Variants in NREP observed in about 807,000 individuals in gnomAD.
NREP encodes the protein neuronal regeneration-related protein.
In NREP, 5 loss-of-function variants were observed where a neutral mutation model predicts 8.6. The observed-to-expected ratio is 0.58, with a 90% CI of 0.30 to 1.22. NREP has a LOEUF of 1.22. Ranked by LOEUF, NREP falls within the 50% of genes most tolerant of loss-of-function variation. NREP has a pLI of 0.07. For synonymous variants in NREP, 27 were observed against 28.0 expected (o/e 0.96, Z 0.11); for missense variants, 86 against 82.5 (o/e 1.04, Z -0.17).
At chr5:111,922,136 T>C (rs56198712) in intron 2 of NREP, among the ~76,000 whole-genome samples, 2,161 of 152,270 alleles carry the variant, frequency 0.014, 24 homozygotes, top group South Asian at 0.037. Flanking sequence ...GGGTATTTCT[T>C]ATCCATAGTA....
intron 2 of NREP, among the ~76,000 whole-genome samples, chr5:111,786,130 T>C (rs1024657816): frequency 8.5e-5 from 13 of 152,210 alleles, no homozygotes; most frequent in Non-Finnish European, 1.8e-4. Flanking sequence ...AAGTAGCTCA[T>C]TCAATTTTTA....
chr5:111,896,607 G>A (rs1283169996), intron 2 of NREP, among the ~76,000 whole-genome samples: 1 of 152,156 alleles, frequency 6.6e-6, no homozygotes, highest in Non-Finnish European at 1.5e-5. Context: ...CGGAGTATCT[G>A]TGCATTTTCC....
intron 2 of NREP, among the ~76,000 whole-genome samples, chr5:111,887,397 T>C (rs1754287937): frequency 6.6e-6 from 1 of 152,190 alleles, no homozygotes; most frequent in Non-Finnish European, 1.5e-5. Context: ...AGGTTAACCA[T>C]ATGCAGAATT....
upstream of NREP, chr5:111,757,530 C>T: frequency 1.0e-6 from 1 of 985,026 alleles, no homozygotes; most frequent in Non-Finnish European, 1.2e-6. Context: ...CTTGCTGCCA[C>T]TGTGCAGCCG....
chr5:111,952,471 G>T (rs1581246540), intron 2 of NREP, among the ~76,000 whole-genome samples: 2 of 152,066 alleles, frequency 1.3e-5, no homozygotes, highest in East Asian at 3.9e-4. Context: ...ACCAGTCGAG[G>T]TTATTATTAT....
At chr5:111,775,399 A>G (rs1751332978) in intron 2 of NREP, among the ~76,000 whole-genome samples, 1 of 152,184 alleles carries the variant, frequency 6.6e-6, no homozygotes, top group Non-Finnish European at 1.5e-5. Flanking sequence ...TGATTACCAC[A>G]TATAAATACT....
intron 2 of NREP, among the ~76,000 whole-genome samples, chr5:111,938,002 G>A (rs951935191): frequency 6.6e-6 from 1 of 152,000 alleles, no homozygotes; most frequent in Admixed American, 6.6e-5. Context: ...TCTTGCTCTT[G>A]TAATCTAACC....
chr5:111,730,806 A>C lies in NREP; in HGVS notation c.*115T>G. 1 of 1,189,534 alleles carries C rather than the reference A, an allele frequency of 8.4e-7. No individual in the cohort carries two copies. The allele number at this position is 1,189,534 out of a possible 1,614,324, so 73.7% of individuals were successfully genotyped here. On this transcript the variant is annotated 3_prime_UTR_variant, in exon 4 of 4. Transcript: ENST00000257435. ...GTAAATTCTCTAAAGCAAGGCTCAG[A>C]GTCCCATAGTTTCTTCTTATACTTG...
At chr5:111,840,084 T>C (rs1312254733) in intron 2 of NREP, among the ~76,000 whole-genome samples, 1 of 152,106 alleles carries the variant, frequency 6.6e-6, no homozygotes, top group African/African-American at 2.4e-5. Flanking sequence ...TGACATAAGT[T>C]ATTTAGCGAT....
chr5:111,780,333 A>G (rs1352293516), intron 2 of NREP, among the ~76,000 whole-genome samples: 2 of 152,192 alleles, frequency 1.3e-5, no homozygotes, highest in Admixed American at 6.5e-5. Context: ...ATTATTTTGC[A>G]TAAGAAAATG....
chr5:111,747,344 G>C (rs1462011648), intron 2 of NREP, among the ~76,000 whole-genome samples: 1 of 152,084 alleles, frequency 6.6e-6, no homozygotes, highest in African/African-American at 2.4e-5. Flanking sequence ...AGGATGCCTG[G>C]ACCCGTTTTA....
At chr5:111,779,583 G>T (rs1444802978) in intron 2 of NREP, among the ~76,000 whole-genome samples, 1 of 152,164 alleles carries the variant, frequency 6.6e-6, no homozygotes, top group Admixed American at 6.5e-5. Flanking sequence ...TCCAAGAAAG[G>T]GGGTAAGGGC....
chr5:111,813,186 G>T (rs542271348), intron 2 of NREP, among the ~76,000 whole-genome samples: 1 of 152,202 alleles, frequency 6.6e-6, no homozygotes, highest in African/African-American at 2.4e-5. Flanking sequence ...CTTCCCCAAA[G>T]TTATTTAGCT....
intron 2 of NREP, among the ~76,000 whole-genome samples, chr5:111,951,736 C>A (rs1451573642): frequency 2.0e-5 from 3 of 152,060 alleles, no homozygotes; most frequent in Non-Finnish European, 2.9e-5. Flanking sequence ...TCTCCTTGTT[C>A]CTCATGCTCA....
intron 2 of NREP, among the ~76,000 whole-genome samples, chr5:111,797,133 G>T (rs1217709900): frequency 2.6e-5 from 4 of 152,056 alleles, no homozygotes; most frequent in Non-Finnish European, 5.9e-5. Context: ...ATCACTGGTA[G>T]CAAATACACA....
chr5:111,798,331 C>T (rs906236645), intron 2 of NREP, among the ~76,000 whole-genome samples: 1 of 152,058 alleles, frequency 6.6e-6, no homozygotes, highest in African/African-American at 2.4e-5. Context: ...ATAACTTTGT[C>T]TATAATTTCC....
intron 2 of NREP, among the ~76,000 whole-genome samples, chr5:111,797,508 G>C (rs1751901206): frequency 6.6e-6 from 1 of 152,156 alleles, no homozygotes; most frequent in Non-Finnish European, 1.5e-5. Flanking sequence ...ATTTTATGGA[G>C]TTCATCACTT....
At chr5:111,911,730 C>A (rs1312335624) in intron 2 of NREP, among the ~76,000 whole-genome samples, 1 of 152,050 alleles carries the variant, frequency 6.6e-6, no homozygotes, top group African/African-American at 2.4e-5. Context: ...TTTTGACCAT[C>A]TAAAAGACAT....
At chr5:111,882,568 G>C (rs55784425) in intron 2 of NREP, among the ~76,000 whole-genome samples, 2,924 of 152,232 alleles carry the variant, frequency 0.019, 47 homozygotes, top group Non-Finnish European at 0.027. Flanking sequence ...AAATGTTAAG[G>C]GCAGCCAGAG....
Sources: allele counts gnomAD v4.1 joint callset (sites outside exome capture counted in the v4.1 genomes callset), GRCh38; gene constraint gnomAD v4.1.1; transcripts MANE v1.5; gene names NCBI Gene and HGNC (gene_info 2026-07-23, HGNC 2026-07-21).